The following MAML2 variants were observed in gnomAD, a reference collection of about 807,000 sequenced individuals.
MAML2 encodes the protein mastermind like transcriptional coactivator 2, also known as mastermind-like protein 2.
MAML2 carries 22 observed loss-of-function variants against 96.1 expected under a neutral mutation model. That is an observed-to-expected ratio of 0.23 (90% CI 0.16 to 0.33). The LOEUF is 0.33. MAML2 is among the 10% of genes least tolerant of loss of function. MAML2 has a pLI of 1.00. For missense variants in MAML2, 1,367 were observed against 1,392.4 expected (o/e 0.98, Z 0.29); for synonymous variants, 561 against 521.3 (o/e 1.08, Z -1.04).
chr11:95,980,901 C>T (rs1342980026), intron 4 of MAML2, among the ~76,000 whole-genome samples: 1 of 152,288 alleles, frequency 6.6e-6, no homozygotes, highest in Middle Eastern at 3.4e-3. Context: ...CCTAACACAG[C>T]CTGAAGGCTG....
chr11:96,268,246 G>A (rs1215649748), intron 1 of MAML2, among the ~76,000 whole-genome samples: 1 of 152,202 alleles, frequency 6.6e-6, no homozygotes, highest in Non-Finnish European at 1.5e-5. Flanking sequence ...AGGCTGAGGA[G>A]GGAGAGTCAC....
chr11:96,033,517 A>C (rs1858651513), intron 2 of MAML2, among the ~76,000 whole-genome samples: 1 of 152,236 alleles, frequency 6.6e-6, no homozygotes, highest in South Asian at 2.1e-4. Context: ...GAGCTCCTTG[A>C]AGACAGGGAT....
At chr11:95,997,631 A>T (rs1342214328) in intron 2 of MAML2, among the ~76,000 whole-genome samples, 1 of 152,212 alleles carries the variant, frequency 6.6e-6, no homozygotes, top group Non-Finnish European at 1.5e-5. Flanking sequence ...CAACATTTTT[A>T]TGAGTTTTAG....
At position 96,091,971 on chromosome 11, in the gene MAML2, T is replaced by G. The variant is rs756623005; in HGVS notation, c.2060A>C (p.Gln687Pro). The G allele has an allele frequency of 6.2e-7, 1 of 1,607,934 alleles. No individual in the cohort carries two copies. The highest frequency in any genetic ancestry group is 8.5e-7 in the Non-Finnish European group (1 of 1,176,988). Residue 687 changes from glutamine to proline, a missense_variant, in exon 2 of 5, where the codon CAG (glutamine) becomes CCG (proline). Gln to Pro is a moderately conservative substitution (Grantham distance 76). Transcript: ENST00000524717. ...CATTTGCTGAAGTAGGAGCTTTTGC[T>G]GAAGTGGCAAAGGTGACCTTAGCAA... is the stretch of plus-strand genomic sequence containing the variant. ...QPLLRSPLPL[Q>P]QKLLLQQMQN... is the part of the protein sequence containing the mutation.
In MAML2 at chr11:96,275,269, ATTTTTTT is replaced by A. The variant is rs56407815; in HGVS notation, c.513+66107_513+66113del. ...TTCTTCTTTATCCAAACACTAAGGA[ATTTTTTT>A]TTTTTTTTTTTTTTTTTTTGAGACA... is the stretch of plus-strand genomic sequence containing the variant. On this transcript the variant is annotated intron_variant, in intron 1 of 4. Coordinates refer to ENST00000524717, the MANE Select transcript of MAML2 (RefSeq NM_032427.4). 3.3e-4 allele frequency among the ~76,000 whole-genome samples: 37 copies of A among 111,748 alleles called. No homozygotes were observed. In the Middle Eastern group the frequency reaches 0.019, roughly 56 times the overall value. The allele number at this position is 111,748 out of a possible 152,430, so 73.3% of individuals were successfully genotyped here. A position where few individuals can be genotyped will look rare whatever the true frequency, so the allele number is the denominator to read the frequency against.
In MAML2 at chr11:95,977,207, C is replaced by G. The variant is rs1002865444; in HGVS notation, c.*1741G>C. The G allele has an allele frequency of 5.3e-6, 1 of 187,200 alleles. No homozygotes were observed. The highest frequency in any genetic ancestry group is 1.1e-5 in the Non-Finnish European group (1 of 88,674). The allele number at this position is 187,200 out of a possible 1,614,324, so 11.6% of individuals were successfully genotyped here. ...ATTTACTTTTTGTATAAAATATAACCTTTTGATAGTATATTTATTTCACAT... is the reference window on the plus strand; with the variant it reads ...ATTTACTTTTTGTATAAAATATAACGTTTTGATAGTATATTTATTTCACAT... On this transcript the variant is annotated 3_prime_UTR_variant, in exon 5 of 5. Transcript: ENST00000524717.
chr11:96,028,206 G>A (rs1858554017), intron 2 of MAML2, among the ~76,000 whole-genome samples: 3 of 152,180 alleles, frequency 2.0e-5, no homozygotes, highest in African/African-American at 7.2e-5. Flanking sequence ...TTAAAAATAA[G>A]ATTTTTCCTC....
chr11:96,235,232 T>G (rs1353656528), intron 1 of MAML2, among the ~76,000 whole-genome samples: 3 of 152,194 alleles, frequency 2.0e-5, no homozygotes, highest in African/African-American at 7.2e-5. Flanking sequence ...CAGCAAACTA[T>G]GACTCAAGGG....
At chr11:95,989,074 T>C (rs1276296035) in intron 3 of MAML2, among the ~76,000 whole-genome samples, 2 of 152,256 alleles carry the variant, frequency 1.3e-5, no homozygotes. Context: ...GTAATTACGA[T>C]GTCCGTTGTA....
At chr11:96,031,707 C>T (rs188885269) in intron 2 of MAML2, among the ~76,000 whole-genome samples, 412 of 152,208 alleles carry the variant, frequency 2.7e-3, no homozygotes, top group Non-Finnish European at 5.0e-3. Flanking sequence ...TATATCTGGC[C>T]GGGCACAGTG....
chr11:96,110,196 A>G (rs1565217541), intron 1 of MAML2, among the ~76,000 whole-genome samples: 2 of 152,182 alleles, frequency 1.3e-5, no homozygotes, highest in African/African-American at 2.4e-5. Flanking sequence ...AGGTAAAAAA[A>G]GGGAAACAAA....
At chr11:96,268,530 A>G (rs980432506) in intron 1 of MAML2, among the ~76,000 whole-genome samples, 1 of 152,186 alleles carries the variant, frequency 6.6e-6, no homozygotes, top group Non-Finnish European at 1.5e-5. Context: ...GCTTCCAAGG[A>G]ACAAACATTT....
intron 2 of MAML2, among the ~76,000 whole-genome samples, chr11:96,086,201 G>A (rs527626348): frequency 1.3e-5 from 2 of 152,276 alleles, no homozygotes; most frequent in Admixed American, 6.5e-5. Flanking sequence ...GAGTATGAAG[G>A]GGGTCATTTA....
intron 2 of MAML2, among the ~76,000 whole-genome samples, chr11:96,072,456 T>C (rs1281317450): frequency 6.6e-6 from 1 of 152,374 alleles, no homozygotes; most frequent in East Asian, 1.9e-4. Flanking sequence ...AGCTATTAAA[T>C]TTCTCTTACA....
At chr11:96,303,557 A>AT (rs1863419987) in intron 1 of MAML2, among the ~76,000 whole-genome samples, 1 of 152,104 alleles carries the variant, frequency 6.6e-6, no homozygotes, top group South Asian at 2.1e-4. Context: ...GCCCATATAA[A>AT]TTTTTTATAA....
chr11:96,097,023 TG>T (rs869111977), intron 1 of MAML2, among the ~76,000 whole-genome samples: 1 of 6,200 alleles, frequency 1.6e-4, no homozygotes. Context: ...CGAGGCCCAC[TG>T]TGAATGCCTA....
At chr11:96,150,669 C>T (rs938151252) in intron 1 of MAML2, among the ~76,000 whole-genome samples, 5 of 152,146 alleles carry the variant, frequency 3.3e-5, no homozygotes, top group African/African-American at 1.2e-4. Flanking sequence ...ACCCATTCCC[C>T]CTCACCCTAC....
chr11:96,163,178 C>T (rs188139828), intron 1 of MAML2, among the ~76,000 whole-genome samples: 5 of 152,270 alleles, frequency 3.3e-5, no homozygotes, highest in African/African-American at 1.2e-4. Context: ...GAGACTGTCT[C>T]GGCAGTTTAA....
At chr11:96,079,850 T>C (rs1859504529) in intron 2 of MAML2, among the ~76,000 whole-genome samples, 1 of 152,122 alleles carries the variant, frequency 6.6e-6, no homozygotes, top group Non-Finnish European at 1.5e-5. Context: ...TGGCAGGAAG[T>C]CGTAGGACGA....
Sources: allele counts gnomAD v4.1 joint callset (sites outside exome capture counted in the v4.1 genomes callset), GRCh38; gene constraint gnomAD v4.1.1; transcripts MANE v1.5; gene names NCBI Gene and HGNC (gene_info 2026-07-23, HGNC 2026-07-21).